ENTREP2: variants seen among roughly 807,000 people sequenced by gnomAD.
ENTREP2 encodes endosomal transmembrane epsin interactor 2, also known as protein ENTREP2.
chr15:29,267,371 G>A, the ENTREP2 span: 1 of 152,164 alleles, frequency 6.6e-6, no homozygotes, highest in South Asian at 2.1e-4. Context: ...AACACAATGG[G>A]ACTATGAACT....
At chr15:29,196,379 C>T in the ENTREP2 span, 14 of 1,538,870 alleles carry the variant, frequency 9.1e-6, no homozygotes, top group Non-Finnish European at 1.2e-5. Context: ...CCTAAACTGT[C>T]TGTAAGGCAT....
the ENTREP2 span, among the ~76,000 whole-genome samples, chr15:29,170,492 A>T: frequency 6.6e-6 from 1 of 152,178 alleles, no homozygotes; most frequent in Non-Finnish European, 1.5e-5. Flanking sequence ...TGTAGTCATG[A>T]ATAGGAAGAT....
chr15:29,118,706 CGTGT>C, the ENTREP2 span, among the ~76,000 whole-genome samples: 477 of 151,522 alleles, frequency 3.1e-3, 7 homozygotes, highest in Admixed American at 0.028. Flanking sequence ...CATGCGTGTG[CGTGT>C]GTAAAAGCCG....
At chr15:29,186,260 G>A in the ENTREP2 span, among the ~76,000 whole-genome samples, 1 of 152,212 alleles carries the variant, frequency 6.6e-6, no homozygotes, top group Admixed American at 6.5e-5. Flanking sequence ...AAGGAAGGAG[G>A]GACTGTCTCT....
At chr15:29,377,356 G>A in the ENTREP2 span, among the ~76,000 whole-genome samples, 1 of 152,050 alleles carries the variant, frequency 6.6e-6, no homozygotes, top group Non-Finnish European at 1.5e-5. Flanking sequence ...CAGGCTGGCA[G>A]ACACTTTACA....
chr15:29,600,101 A>G, the ENTREP2 span, among the ~76,000 whole-genome samples: 2 of 152,244 alleles, frequency 1.3e-5, no homozygotes, highest in African/African-American at 4.8e-5. Flanking sequence ...TGGTGACAGA[A>G]GGTGCCCATG....
the ENTREP2 span, among the ~76,000 whole-genome samples, chr15:29,599,274 C>T: frequency 6.6e-6 from 1 of 152,290 alleles, no homozygotes. Context: ...TGCAGGATTA[C>T]TTGAAGGCTG....
the ENTREP2 span, among the ~76,000 whole-genome samples, chr15:29,155,934 C>T: frequency 4.6e-3 from 697 of 152,212 alleles, 4 homozygotes; most frequent in African/African-American, 0.016. Flanking sequence ...CAGGACTAGG[C>T]GGACTGCCTT....
At chr15:29,567,653 CAG>C in the ENTREP2 span, among the ~76,000 whole-genome samples, 3 of 152,114 alleles carry the variant, frequency 2.0e-5, no homozygotes, top group Non-Finnish European at 4.4e-5. Flanking sequence ...AGTCCAAACT[CAG>C]GGAGAGGGAA....
At chr15:29,346,616 C>G in the ENTREP2 span, among the ~76,000 whole-genome samples, 1 of 152,166 alleles carries the variant, frequency 6.6e-6, no homozygotes, top group Non-Finnish European at 1.5e-5. Flanking sequence ...AATGGTTCCA[C>G]AAAAAGAGTA....
At chr15:29,170,788 T>A in the ENTREP2 span, among the ~76,000 whole-genome samples, 8 of 152,248 alleles carry the variant, frequency 5.3e-5, no homozygotes, top group Admixed American at 5.2e-4. Flanking sequence ...GCCTCCTGAC[T>A]GTGAGAAATA....
the ENTREP2 span, among the ~76,000 whole-genome samples, chr15:29,453,263 G>A: frequency 6.6e-6 from 1 of 152,202 alleles, no homozygotes; most frequent in East Asian, 1.9e-4. Flanking sequence ...GTGGTGCAGT[G>A]ATCACGGTGC....
At chr15:29,162,209 T>G in the ENTREP2 span, among the ~76,000 whole-genome samples, 5 of 152,120 alleles carry the variant, frequency 3.3e-5, no homozygotes, top group African/African-American at 1.2e-4. Context: ...ACCACAGGGA[T>G]CCACCAGGAG....
At chr15:29,202,894 AT>A in the ENTREP2 span, among the ~76,000 whole-genome samples, 1 of 152,218 alleles carries the variant, frequency 6.6e-6, no homozygotes, top group African/African-American at 2.4e-5. Context: ...ATTGATGGGC[AT>A]TTGGGTTGGT....
the ENTREP2 span, among the ~76,000 whole-genome samples, chr15:29,238,023 A>G: frequency 1.3e-3 from 201 of 152,366 alleles, no homozygotes; most frequent in African/African-American, 4.7e-3. Context: ...TCAGACATAA[A>G]AAAGAATGAA....
the ENTREP2 span, among the ~76,000 whole-genome samples, chr15:29,272,110 GT>G: frequency 5.1e-4 from 77 of 151,910 alleles, no homozygotes; most frequent in Non-Finnish European, 8.2e-4. Flanking sequence ...AGAGATACCA[GT>G]TTTTAAGTCT....
At chr15:29,269,091 T>C in the ENTREP2 span, 1 of 1,614,148 alleles carries the variant, frequency 6.2e-7, no homozygotes, top group Admixed American at 1.7e-5. Flanking sequence ...GGTAGACCCC[T>C]AAGCGCCGCA....
chr15:29,622,823 A>G, the ENTREP2 span, among the ~76,000 whole-genome samples: 1 of 152,348 alleles, frequency 6.6e-6, no homozygotes, highest in South Asian at 2.1e-4. Flanking sequence ...AGTCAGCACC[A>G]GAGGCTGGCG....
the ENTREP2 span, among the ~76,000 whole-genome samples, chr15:29,472,428 A>AACACACACACACACACAC: frequency 5.9e-4 from 83 of 140,710 alleles, no homozygotes; most frequent in Middle Eastern, 7.3e-3. Context: ...CACAACACAC[A>AACACACACACACACACAC]ACACACACAC....
Sources: gnomAD v4.1 joint callset for allele counts (sites outside exome capture counted in the v4.1 genomes callset) on GRCh38, gnomAD v4.1.1 for gene constraint, MANE v1.5 for transcripts, NCBI Gene and HGNC (gene_info 2026-07-23, HGNC 2026-07-21) for gene names.